Variants in CEPT1 observed in about 807,000 individuals in gnomAD.
The protein encoded by CEPT1 is choline/ethanolamine phosphotransferase 1.
CEPT1 carries 7 observed loss-of-function variants against 42.6 expected under a neutral mutation model. That is an observed-to-expected ratio of 0.16 (90% confidence interval 0.09 to 0.31). CEPT1 has a LOEUF of 0.31. CEPT1 is among the 10% of genes least tolerant of loss of function. The probability of loss-of-function intolerance (pLI) is 1.00; values close to 1 mark genes in which losing one functional copy is unlikely to be tolerated. For synonymous variants in CEPT1, 171 were observed against 171.9 expected (o/e 0.99, Z 0.04); for missense variants, 306 against 502.1 (o/e 0.61, Z 3.73).
At chr1:111,149,753 A>G (rs549016381) in intron 2 of CEPT1, among the ~76,000 whole-genome samples, 2 of 152,360 alleles carry the variant, frequency 1.3e-5, no homozygotes, top group Admixed American at 6.5e-5. Context: ...TTAGAGATAT[A>G]GTAGAACAAC....
intron 5 of CEPT1, among the ~76,000 whole-genome samples, chr1:111,176,387 C>T (rs893249374): frequency 1.3e-5 from 2 of 151,908 alleles, no homozygotes; most frequent in Non-Finnish European, 2.9e-5. Flanking sequence ...TAAAGCTTAC[C>T]CCCATTCCTA....
At chr1:111,168,971 T>C (rs895547769) in intron 4 of CEPT1, among the ~76,000 whole-genome samples, 1 of 152,204 alleles carries the variant, frequency 6.6e-6, no homozygotes, top group African/African-American at 2.4e-5. Flanking sequence ...GGTGGTGTAG[T>C]ATTTGCATAG....
At chr1:111,166,204 C>T (rs1004708952) in intron 4 of CEPT1, among the ~76,000 whole-genome samples, 1 of 152,048 alleles carries the variant, frequency 6.6e-6, no homozygotes, top group South Asian at 2.1e-4. Context: ...TAATGTAAAA[C>T]CTAGATTGCA....
rs901581198 is a variant in CEPT1, at chr1:111,174,970, T to G, written c.714+7T>G. On this transcript the variant is annotated splice_region_variant and intron_variant, in intron 5 of 8. Coordinates refer to ENST00000357172, the MANE Select transcript of CEPT1 (RefSeq NM_006090.5). Reference sequence around the variant, plus strand: ...ACCTTTTTGGCAATCTATGGTAACTTTGTTCACATTGTGTATCCCATGTAA... The same window carrying G: ...ACCTTTTTGGCAATCTATGGTAACTGTGTTCACATTGTGTATCCCATGTAA... The G allele has an allele frequency of 1.3e-6, 2 of 1,542,018 alleles. No homozygotes were observed. The highest frequency in any genetic ancestry group is 1.8e-6 in the Non-Finnish European group (2 of 1,114,590).
upstream of CEPT1, chr1:111,139,791 A>C (rs1654166838): frequency 6.5e-6 from 1 of 152,684 alleles, no homozygotes; most frequent in African/African-American, 2.4e-5. Flanking sequence ...GCCCAGCTGC[A>C]CTCATCCCCG....
chr1:111,146,380 TAACA>T (rs1654967136), intron 1 of CEPT1, among the ~76,000 whole-genome samples: 3 of 152,098 alleles, frequency 2.0e-5, no homozygotes, highest in South Asian at 4.1e-4. Flanking sequence ...AGCCAAAAAA[TAACA>T]AACTGATTTT....
intron 3 of CEPT1, chr1:111,160,933 G>C: frequency 1.8e-6 from 1 of 543,338 alleles, no homozygotes; most frequent in Non-Finnish European, 3.2e-6. Flanking sequence ...CAAGAACTTT[G>C]CTTCCACTAA....
At chr1:111,177,965 T>A (rs2101391180) in intron 5 of CEPT1, among the ~76,000 whole-genome samples, 1 of 152,292 alleles carries the variant, frequency 6.6e-6, no homozygotes, top group South Asian at 2.1e-4. Context: ...AAATATTCTG[T>A]TTTTTCTTTT....
At chr1:111,143,297 C>T (rs1055048565) in intron 1 of CEPT1, among the ~76,000 whole-genome samples, 2 of 152,218 alleles carry the variant, frequency 1.3e-5, no homozygotes, top group African/African-American at 4.8e-5. Flanking sequence ...TCCCCTAAAA[C>T]GTCTGGCTCC....
chr1:111,155,445 TTGTG>T (rs57780074), intron 2 of CEPT1, among the ~76,000 whole-genome samples: 3 of 150,318 alleles, frequency 2.0e-5, no homozygotes, highest in Non-Finnish European at 4.4e-5. Context: ...ATTTTATCAT[TTGTG>T]TGTGTGTGTG....
At chr1:111,168,620 C>CTG (rs1452042689) in intron 4 of CEPT1, among the ~76,000 whole-genome samples, 1 of 151,974 alleles carries the variant, frequency 6.6e-6, no homozygotes, top group East Asian at 1.9e-4. Context: ...TCCCAAGTAG[C>CTG]TGTCACTACA....
chr1:111,181,872 G>C, intron 5 of CEPT1: 1 of 179,042 alleles, frequency 5.6e-6, no homozygotes, highest in East Asian at 1.7e-4. Flanking sequence ...ACACATCCTG[G>C]TTCACTGTTG....
intron 2 of CEPT1, among the ~76,000 whole-genome samples, chr1:111,152,124 A>G (rs75632302): frequency 0.012 from 1,797 of 152,280 alleles, 34 homozygotes; most frequent in African/African-American, 0.04. Flanking sequence ...TCAGATTTCA[A>G]TATAACTTTT....
At chr1:111,170,532 C>T (rs1351646499) in intron 4 of CEPT1, among the ~76,000 whole-genome samples, 1 of 152,112 alleles carries the variant, frequency 6.6e-6, no homozygotes, top group Non-Finnish European at 1.5e-5. Flanking sequence ...TTACCATGTC[C>T]AGTTTGTCCC....
At chr1:111,167,089 T>C (rs1344161928) in intron 4 of CEPT1, 1 of 983,372 alleles carries the variant, frequency 1.0e-6, no homozygotes, top group East Asian at 1.1e-4. Flanking sequence ...TTGAAATGTT[T>C]GTTTCCTTAT....
chr1:111,148,935 G>A (rs1451462454), intron 2 of CEPT1, among the ~76,000 whole-genome samples: 1 of 152,200 alleles, frequency 6.6e-6, no homozygotes, highest in Non-Finnish European at 1.5e-5. Flanking sequence ...GAGTGATTCT[G>A]AGCTAAATGA....
chr1:111,148,315 A>G (rs745947833), intron 2 of CEPT1, among the ~76,000 whole-genome samples: 12 of 152,048 alleles, frequency 7.9e-5, no homozygotes, highest in Admixed American at 1.3e-4. Context: ...TAAAGTCACT[A>G]AATCTCAATT....
chr1:111,173,511 A>G (rs1368753484), intron 4 of CEPT1, among the ~76,000 whole-genome samples: 1 of 149,540 alleles, frequency 6.7e-6, no homozygotes, highest in Non-Finnish European at 1.5e-5. Flanking sequence ...TTAGAAATGG[A>G]GGCTCTGTTC....
chr1:111,151,654 T>C (rs1317980526), intron 2 of CEPT1, among the ~76,000 whole-genome samples: 2 of 152,216 alleles, frequency 1.3e-5, no homozygotes, highest in African/African-American at 4.8e-5. Context: ...AGTCTTATAG[T>C]GGCTGTCCTT....
Sources: gnomAD v4.1 joint callset for allele counts (sites outside exome capture counted in the v4.1 genomes callset) on GRCh38, gnomAD v4.1.1 for gene constraint, MANE v1.5 for transcripts, NCBI Gene and HGNC (gene_info 2026-07-23, HGNC 2026-07-21) for gene names.